ANO3: variants seen among roughly 807,000 people sequenced by gnomAD.
ANO3 encodes the protein anoctamin 3, also known as anoctamin-3.
Under a neutral mutation model 144.8 loss-of-function variants are expected in ANO3, and 99 were observed. The observed-to-expected ratio is 0.68, with a 90% CI of 0.58 to 0.81. The LOEUF (loss-of-function observed/expected upper bound fraction) is 0.81. ANO3 is among the 30% of genes least tolerant of loss of function. The pLI, the probability that ANO3 is intolerant of heterozygous loss-of-function variation, is 0.00. For missense variants in ANO3, 905 were observed against 1,202.2 expected, an observed-to-expected ratio of 0.75 and a Z score of 3.66; for synonymous variants, 414 against 392.6, an observed-to-expected ratio of 1.05 and a Z score of -0.64.
intron 18 of ANO3, among the ~76,000 whole-genome samples, chr11:26,627,757 G>T (rs1852633012): frequency 6.7e-6 from 1 of 148,832 alleles, no homozygotes; most frequent in East Asian, 2.0e-4. Flanking sequence ...ACTAATAATG[G>T]CTATATTAGT....
chr11:26,547,383 TAACTC>T lies in ANO3; in HGVS notation c.1155-31_1155-27del, dbSNP rs780173556. 4.4e-6 allele frequency: 7 copies of T among 1,604,292 alleles called. No homozygotes were observed. In the South Asian group the frequency reaches 6.6e-5, roughly 15 times the overall value. ...ATTTGTAATATTGCTTATGTTGCCT[TAACTC>T]AGTCTAAGGATTTGCTTTCTCATGC... is the stretch of plus-strand genomic sequence containing the variant. On this transcript the variant is annotated intron_variant, in intron 11 of 26. Coordinates refer to ENST00000256737, the MANE Select transcript of ANO3 (RefSeq NM_031418.4).
intron 1 of ANO3, among the ~76,000 whole-genome samples, chr11:26,262,495 G>A (rs1252406624): frequency 6.6e-6 from 1 of 152,084 alleles, no homozygotes; most frequent in Non-Finnish European, 1.5e-5. Context: ...ACTGTGGGAT[G>A]ACAATCATTG....
intron 17 of ANO3, among the ~76,000 whole-genome samples, chr11:26,620,635 A>G (rs1025936752): frequency 2.0e-4 from 31 of 152,190 alleles, no homozygotes; most frequent in African/African-American, 7.2e-4. Flanking sequence ...TCCTATCTAC[A>G]TTTGGCTAAT....
intron 1 of ANO3, among the ~76,000 whole-genome samples, chr11:26,224,012 C>T (rs1852205277): frequency 6.6e-6 from 1 of 152,148 alleles, no homozygotes; most frequent in Admixed American, 6.5e-5. Context: ...AACTATATCA[C>T]CGTTGGAAAA....
intron 4 of ANO3, among the ~76,000 whole-genome samples, chr11:26,469,192 T>C (rs1485633342): frequency 6.6e-6 from 1 of 151,986 alleles, no homozygotes; most frequent in Non-Finnish European, 1.5e-5. Flanking sequence ...CGGAAACCTC[T>C]CTAAGTAAAT....
intron 7 of ANO3, 90 bp from the exon 8 acceptor site, chr11:26,531,115 T>G (rs1473745945): frequency 7.0e-7 from 1 of 1,427,224 alleles, no homozygotes; most frequent in Admixed American, 2.0e-5. Flanking sequence ...TTCAAAGAAG[T>G]TTCTTTAGTA....
At chr11:26,319,819 A>G (rs1343731929) in intron 1 of ANO3, among the ~76,000 whole-genome samples, 4 of 152,142 alleles carry the variant, frequency 2.6e-5, no homozygotes, top group African/African-American at 9.7e-5. Flanking sequence ...TTTTTAAAAC[A>G]CTTTATTTTT....
chr11:26,359,291 G>C (rs1855862881), intron 1 of ANO3, among the ~76,000 whole-genome samples: 1 of 152,082 alleles, frequency 6.6e-6, no homozygotes, highest in East Asian at 1.9e-4. Context: ...GCTCAATCTG[G>C]TTATTTCTCA....
intron 4 of ANO3, among the ~76,000 whole-genome samples, chr11:26,465,473 A>G (rs771319347): frequency 6.6e-6 from 1 of 151,744 alleles, no homozygotes; most frequent in Non-Finnish European, 1.5e-5. Flanking sequence ...AGTGATGACA[A>G]AGCAAATTTA....
chr11:26,498,817 G>C (rs1453972749), intron 4 of ANO3, among the ~76,000 whole-genome samples: 1 of 151,670 alleles, frequency 6.6e-6, no homozygotes, highest in Non-Finnish European at 1.5e-5. Flanking sequence ...TACTGTATAA[G>C]TTATATAGTA....
At chr11:26,595,060 C>A (rs1219233788) in intron 14 of ANO3, among the ~76,000 whole-genome samples, 1 of 152,160 alleles carries the variant, frequency 6.6e-6, no homozygotes, top group African/African-American at 2.4e-5. Flanking sequence ...GAAAAAAGAA[C>A]ATAGGGATGC....
At chr11:26,437,517 A>G (rs1858337787) in intron 1 of ANO3, among the ~76,000 whole-genome samples, 1 of 152,048 alleles carries the variant, frequency 6.6e-6, no homozygotes, top group African/African-American at 2.4e-5. Context: ...GATTTTCTCC[A>G]TTCTCCATTG....
intron 1 of ANO3, among the ~76,000 whole-genome samples, chr11:26,234,172 A>C (rs755684928): frequency 6.6e-6 from 1 of 152,204 alleles, no homozygotes; most frequent in African/African-American, 2.4e-5. Context: ...TGAGAAATAA[A>C]AAGTTTGTTA....
chr11:26,634,181 A>C (rs1216974725), intron 18 of ANO3, 23 bp from the exon 19 acceptor site: 1 of 1,522,166 alleles, frequency 6.6e-7, no homozygotes, highest in Non-Finnish European at 9.1e-7. Flanking sequence ...CACCTGTGTC[A>C]ATGCAACCTG....
chr11:26,656,531 A>G, intron 26 of ANO3, 50 bp downstream of exon 26: 1 of 1,233,810 alleles, frequency 8.1e-7, no homozygotes, highest in Non-Finnish European at 1.2e-6. Context: ...GCTTTTCTAA[A>G]TGATTTATCA....
chr11:26,626,858 T>C (rs1455846955), intron 18 of ANO3, among the ~76,000 whole-genome samples: 2 of 152,202 alleles, frequency 1.3e-5, no homozygotes, highest in East Asian at 3.8e-4. Flanking sequence ...ATCTTCCAAG[T>C]ATTCTCCTGA....
intron 4 of ANO3, among the ~76,000 whole-genome samples, chr11:26,470,045 C>T (rs1401600897): frequency 6.6e-6 from 1 of 151,718 alleles, no homozygotes; most frequent in Non-Finnish European, 1.5e-5. Context: ...AGGTTCAGTA[C>T]CTAAAGGTAA....
At chr11:26,317,018 A>G (rs1028724706) in intron 1 of ANO3, among the ~76,000 whole-genome samples, 1 of 152,126 alleles carries the variant, frequency 6.6e-6, no homozygotes, top group Non-Finnish European at 1.5e-5. Flanking sequence ...ATCCTTATTT[A>G]TGCCTGTGGT....
Position 26,660,840 on chromosome 11 carries a change from C to T in ANO3, c.*396C>T, listed in dbSNP as rs3802753. 0.18 allele frequency: 29,794 copies of T among 162,740 alleles called. 2,966 individuals carry two copies. The highest frequency in any genetic ancestry group is 0.25 in the Admixed American group (3,813 of 15,458). The allele number at this position is 162,740 out of a possible 1,614,324, so 10.1% of individuals were successfully genotyped here. On this transcript the variant is annotated 3_prime_UTR_variant, in exon 27 of 27. Transcript: ENST00000256737. ...CTTAAAATATCATGCAGTCTTCACT[C>T]ACATACTAATTTGACTTTGGAAAGT...
Sources: allele counts gnomAD v4.1 joint callset (sites outside exome capture counted in the v4.1 genomes callset), GRCh38; gene constraint gnomAD v4.1.1; transcripts MANE v1.5; gene names NCBI Gene and HGNC (gene_info 2026-07-23, HGNC 2026-07-21).